The following LRRC75A variants were observed in gnomAD, a reference collection of about 807,000 sequenced individuals.
LRRC75A encodes leucine-rich repeat-containing protein 75A.
In LRRC75A, 12 loss-of-function variants were observed where a neutral mutation model predicts 26.0. The ratio of observed to expected loss-of-function variants is 0.46; its 90% confidence interval spans 0.30 to 0.75. LRRC75A has a LOEUF of 0.75. LRRC75A is among the 30% of genes least tolerant of loss of function. The pLI, the probability that LRRC75A is intolerant of heterozygous loss-of-function variation, is 0.08. For synonymous variants in LRRC75A, 223 were observed against 219.3 expected (o/e 1.02, Z -0.15); for missense variants, 410 against 486.6 (o/e 0.84, Z 1.48).
chr17:16,451,178 C>T (rs1383803433), intron 2 of LRRC75A, among the ~76,000 whole-genome samples: 1 of 152,140 alleles, frequency 6.6e-6, no homozygotes, highest in Non-Finnish European at 1.5e-5. Flanking sequence ...TCCATCAGAG[C>T]AGCAGGAGTA....
chr17:16,477,808 G>C (rs914467755), intron 1 of LRRC75A, among the ~76,000 whole-genome samples: 1 of 152,052 alleles, frequency 6.6e-6, no homozygotes, highest in Non-Finnish European at 1.5e-5. Context: ...CGAGGCTTCC[G>C]GGCTGCAGAA....
intron 1 of LRRC75A, among the ~76,000 whole-genome samples, chr17:16,473,120 G>T (rs900403400): frequency 2.6e-4 from 39 of 151,322 alleles, no homozygotes; most frequent in Admixed American, 1.6e-3. Flanking sequence ...TCAAGTCGTT[G>T]TAAGTAGTCT....
Position 16,443,538 on chromosome 17 carries a change from T to A in LRRC75A, c.*50A>T. The A allele has an allele frequency of 3.5e-6, 5 of 1,441,028 alleles. No homozygotes were observed. The highest frequency in any genetic ancestry group is 3.7e-6 in the Non-Finnish European group (4 of 1,088,250). 89.3% of individuals were successfully genotyped at this position (1,441,028 alleles called of 1,614,324 possible). On this transcript the variant is annotated 3_prime_UTR_variant, in exon 4 of 4. Coordinates refer to ENST00000470794, the MANE Select transcript of LRRC75A (RefSeq NM_001113567.3). ...GAGAAGCGCCCTCCCCTGCCTGCCT[T>A]GCCCATTCTACCCAACAAGGACTCC...
intron 2 of LRRC75A, among the ~76,000 whole-genome samples, chr17:16,451,045 T>C (rs996913561): frequency 6.6e-6 from 1 of 152,020 alleles, no homozygotes; most frequent in East Asian, 1.9e-4. Context: ...ACTGGACTTA[T>C]GGGGTTGGGG....
chr17:16,481,303 C>T (rs966684143), intron 1 of LRRC75A, among the ~76,000 whole-genome samples: 1 of 152,130 alleles, frequency 6.6e-6, no homozygotes, highest in Non-Finnish European at 1.5e-5. Flanking sequence ...GAGATGAGAG[C>T]CCCTCCATGC....
At chr17:16,489,308 T>G (rs1485129582) in intron 1 of LRRC75A, among the ~76,000 whole-genome samples, 2 of 152,172 alleles carry the variant, frequency 1.3e-5, no homozygotes, top group Non-Finnish European at 2.9e-5. Flanking sequence ...CCCTCCCTGG[T>G]TCTGTGCCTG....
chr17:16,477,927 T>G (rs940342129), intron 1 of LRRC75A, among the ~76,000 whole-genome samples: 3 of 151,218 alleles, frequency 2.0e-5, no homozygotes, highest in African/African-American at 7.3e-5. Flanking sequence ...AGGGAGGAGG[T>G]AGGAGCTGTG....
chr17:16,484,564 C>T (rs2093842085), intron 1 of LRRC75A, among the ~76,000 whole-genome samples: 1 of 152,060 alleles, frequency 6.6e-6, no homozygotes, highest in African/African-American at 2.4e-5. Flanking sequence ...TGGCCCCACT[C>T]CCCCACCTTC....
At chr17:16,453,818 G>A (rs1316895575) in intron 2 of LRRC75A, among the ~76,000 whole-genome samples, 4 of 152,058 alleles carry the variant, frequency 2.6e-5, no homozygotes, top group African/African-American at 9.7e-5. Flanking sequence ...TTCTCCCCCA[G>A]AGTGAGTCAG....
At chr17:16,490,195 C>T (rs1413031234) in intron 1 of LRRC75A, among the ~76,000 whole-genome samples, 1 of 152,210 alleles carries the variant, frequency 6.6e-6, no homozygotes, top group African/African-American at 2.4e-5. Flanking sequence ...TCCCTCTGTT[C>T]TTCTGTATCC....
At chr17:16,471,430 G>C (rs977242923) in intron 1 of LRRC75A, among the ~76,000 whole-genome samples, 1 of 152,228 alleles carries the variant, frequency 6.6e-6, no homozygotes, top group African/African-American at 2.4e-5. Flanking sequence ...TCAGGACAGA[G>C]GTGGCATTTT....
chr17:16,444,242 A>G, intron 3 of LRRC75A, 111 bp from the exon 4 acceptor site: 2 of 903,300 alleles, frequency 2.2e-6, no homozygotes, highest in Admixed American at 2.9e-5. Flanking sequence ...TGCTTTTACG[A>G]AACACTTGGA....
chr17:16,450,662 A>AT (rs1244212510), intron 2 of LRRC75A, among the ~76,000 whole-genome samples: 6 of 152,186 alleles, frequency 3.9e-5, no homozygotes, highest in Admixed American at 3.9e-4. Context: ...ACCTGGCCAC[A>AT]TGACTGTGTG....
Position 16,491,717 on chromosome 17 carries a change from GC to G in LRRC75A, c.246+27del, listed in dbSNP as rs1568990778. ...CCCAGCACGCCCCCTGGCCCGGCGC[GC>G]CCCCCGCGCCCCCTCCCCGCGCTCA... On this transcript the variant is annotated intron_variant, in intron 1 of 3. Transcript: ENST00000470794. This position sits in a 1 kb window ranked among gnomAD's most constrained non-coding sequence, Gnocchi z 5.9. The G allele has an allele frequency of 8.5e-6, 11 of 1,290,646 alleles. No homozygotes were observed. Among genetic ancestry groups the G allele is most frequent in the South Asian group, 2.1e-5 (1 of 48,350 alleles). The allele number at this position is 1,290,646 out of a possible 1,614,324, so 79.9% of individuals were successfully genotyped here.
chr17:16,488,124 C>T (rs1357851399), intron 1 of LRRC75A, among the ~76,000 whole-genome samples: 1 of 152,206 alleles, frequency 6.6e-6, no homozygotes, highest in African/African-American at 2.4e-5. Flanking sequence ...GGTGGCCTGG[C>T]ACTTGCCCTC....
rs573709154 is a variant in LRRC75A at position 16,454,938 on chromosome 17, T to G, written c.376-6978A>C. On this transcript the variant is annotated intron_variant, in intron 2 of 3. Transcript: ENST00000470794. ...TTTTCTTTTCTTTTCTTTTCTTTTT[T>G]TTTTTTAGTGACGGAGTCTTGCTCT... Among the ~76,000 whole-genome samples the G allele has an allele frequency of 1.3e-4, 20 of 151,830 alleles. 1 individual carries two copies. In the South Asian group the frequency reaches 3.5e-3, roughly 27 times the overall value.
At chr17:16,486,400 G>A (rs764871208) in intron 1 of LRRC75A, among the ~76,000 whole-genome samples, 1 of 152,178 alleles carries the variant, frequency 6.6e-6, no homozygotes, top group Non-Finnish European at 1.5e-5. Flanking sequence ...CCACTACAGA[G>A]GCTGCTATTT....
At chr17:16,480,809 G>A (rs912946356) in intron 1 of LRRC75A, among the ~76,000 whole-genome samples, 2 of 152,182 alleles carry the variant, frequency 1.3e-5, no homozygotes, top group Non-Finnish European at 2.9e-5. Context: ...CCCTGCCTGT[G>A]ACGAGGGAAG....
chr17:16,485,631 A>AGTGTGTGTGTGTGTGTGTGTGTCTGTGT (rs2093844537), intron 1 of LRRC75A, among the ~76,000 whole-genome samples: 1 of 128,402 alleles, frequency 7.8e-6, no homozygotes, highest in Non-Finnish European at 1.7e-5. Flanking sequence ...CAGGACAAGC[A>AGTGTGTGTGTGTGTGTGTGTGTCTGTGT]GTGTGTGTGT....
Sources: gnomAD v4.1 joint callset for allele counts (sites outside exome capture counted in the v4.1 genomes callset) on GRCh38, gnomAD v4.1.1 for gene constraint, Gnocchi (gnomAD v3.1) non-coding constraint, MANE v1.5 for transcripts, NCBI Gene and HGNC (gene_info 2026-07-23, HGNC 2026-07-21) for gene names.